The following MYT1L variants were observed in gnomAD, a reference collection of about 807,000 sequenced individuals.
MYT1L encodes myelin transcription factor 1-like protein.
Under a neutral mutation model 126.7 loss-of-function variants are expected in MYT1L, and 12 were observed. The observed-to-expected ratio is 0.09, with a 90% CI of 0.06 to 0.15. The LOEUF (loss-of-function observed/expected upper bound fraction) is 0.15. Ranked by LOEUF, MYT1L falls within the 10% of genes least tolerant of loss-of-function variation. The pLI is 1.00. For missense variants in MYT1L, 979 were observed against 1,585.2 expected (o/e 0.62, Z 6.49); for synonymous variants, 541 against 604.2 (o/e 0.90, Z 1.53).
At chr2:1,946,571 G>C (rs140211587) in intron 8 of MYT1L, among the ~76,000 whole-genome samples, 1 of 152,222 alleles carries the variant, frequency 6.6e-6, no homozygotes, top group East Asian at 1.9e-4. Flanking sequence ...AGGGCAGTTA[G>C]ATGACTTCTA....
chr2:1,832,695 A>G (rs1340326891), intron 21 of MYT1L, among the ~76,000 whole-genome samples: 1 of 152,100 alleles, frequency 6.6e-6, no homozygotes. Context: ...CCCGGACTCC[A>G]AGAGTCACTT....
At chr2:1,885,812 T>G (rs570358043) in intron 18 of MYT1L, among the ~76,000 whole-genome samples, 57 of 152,316 alleles carry the variant, frequency 3.7e-4, no homozygotes, top group African/African-American at 1.2e-3. Flanking sequence ...TCTCCCCGGA[T>G]TGCGGAGGCT....
At chr2:1,949,453 TCA>T (rs74164547) in intron 8 of MYT1L, among the ~76,000 whole-genome samples, 4,003 of 152,322 alleles carry the variant, frequency 0.026, 67 homozygotes, top group Non-Finnish European at 0.042. Flanking sequence ...GTTGTAGCTT[TCA>T]CAGTTCTTTT....
rs568158936 is a variant in MYT1L, at chr2:1,823,909, T to G, written c.3081-14742A>C. ...CAGGAGCCAAACTTCAAGAGCTGAG[T>G]AGTCTCAGGTGTCCAGTGACCATTA... On this transcript the variant is annotated intron_variant, in intron 21 of 24. Transcript: ENST00000647738. 5.9e-5 allele frequency among the ~76,000 whole-genome samples: 9 copies of G among 152,346 alleles called. No individual in the cohort carries two copies. The East Asian group carries it at 1.2e-3, about 20-fold the overall frequency.
At chr2:2,014,530 T>C (rs2064173387) in intron 4 of MYT1L, among the ~76,000 whole-genome samples, 1 of 152,190 alleles carries the variant, frequency 6.6e-6, no homozygotes. Context: ...GTGTTTATCC[T>C]CCTTCCTCTG....
chr2:2,214,786 C>G (rs2093632203), intron 2 of MYT1L, among the ~76,000 whole-genome samples: 1 of 152,104 alleles, frequency 6.6e-6, no homozygotes, highest in African/African-American at 2.4e-5. Flanking sequence ...CAAAGAATAT[C>G]AGAGGTAGTA....
At chr2:1,863,279 G>A (rs1227308747) in intron 18 of MYT1L, among the ~76,000 whole-genome samples, 2 of 152,188 alleles carry the variant, frequency 1.3e-5, no homozygotes, top group Non-Finnish European at 2.9e-5. Context: ...AAGCCAAGGT[G>A]CTGCCAGCAG....
At chr2:2,070,854 T>A (rs1453325347) in intron 3 of MYT1L, among the ~76,000 whole-genome samples, 16 of 152,216 alleles carry the variant, frequency 1.1e-4, no homozygotes, top group African/African-American at 3.9e-4. Context: ...AGTCATTTAA[T>A]ATCGATTTGA....
chr2:1,792,871 C>CAAAAAAAAAAAAAA lies in MYT1L; in HGVS notation c.3277-421_3277-408dup, dbSNP rs55682787. 2.0e-3 allele frequency among the ~76,000 whole-genome samples: 150 copies of CAAAAAAAAAAAAAA among 76,250 alleles called. 9 individuals carry two copies. The highest frequency in any genetic ancestry group is 6.9e-3 in the African/African-American group (143 of 20,708). The allele number at this position is 76,250 out of a possible 152,430, so 50.0% of individuals were successfully genotyped here. Reference sequence around the variant, plus strand: ...GGTGACAGACCGAGATTCCGTCTCACAAAAAAAAAAAAAAAAAGGAAAAGA... The same window carrying CAAAAAAAAAAAAAA: ...GGTGACAGACCGAGATTCCGTCTCACAAAAAAAAAAAAAAAAAAAAAAAAAAAAAAAGGAAAAGA... On this transcript the variant is annotated intron_variant, in intron 23 of 24. Coordinates refer to ENST00000647738, the MANE Select transcript of MYT1L (RefSeq NM_001303052.2).
chr2:2,283,472 T>C (rs1051171789), intron 2 of MYT1L, among the ~76,000 whole-genome samples: 4 of 152,216 alleles, frequency 2.6e-5, no homozygotes, highest in African/African-American at 9.6e-5. Context: ...CCTTGAAAAG[T>C]ATAATTTTTG....
chr2:2,290,067 A>G (rs2095576830), intron 1 of MYT1L, among the ~76,000 whole-genome samples: 5 of 152,254 alleles, frequency 3.3e-5, no homozygotes, highest in Admixed American at 3.3e-4. Context: ...GCAACTCAGC[A>G]TCGCAACGCT....
chr2:2,032,141 A>G lies in MYT1L; in HGVS notation c.-158+21837T>C, dbSNP rs536637835. Among the ~76,000 whole-genome samples, 7 of 129,728 alleles carry G rather than the reference A, an allele frequency of 5.4e-5. No homozygotes were observed. The East Asian group carries it at 1.8e-3, about 33-fold the overall frequency. 85.1% of individuals were successfully genotyped at this position (129,728 alleles called of 152,430 possible). A position where few individuals can be genotyped will look rare whatever the true frequency, so the allele number is the denominator to read the frequency against. ...TCCTGTGGCCCAGAGCAGATTCTAG[A>G]AGGAGGGCCTTATACACACACCCGT... On this transcript the variant is annotated intron_variant, in intron 4 of 24. Transcript: ENST00000647738.
intron 1 of MYT1L, among the ~76,000 whole-genome samples, chr2:2,298,153 C>A (rs2095725899): frequency 6.6e-6 from 1 of 152,144 alleles, no homozygotes; most frequent in Non-Finnish European, 1.5e-5. Flanking sequence ...CTGAAATAAA[C>A]ACAGAAACAC....
intron 3 of MYT1L, among the ~76,000 whole-genome samples, chr2:2,164,864 A>T (rs952279755): frequency 6.6e-6 from 1 of 152,218 alleles, no homozygotes; most frequent in Admixed American, 6.5e-5. Context: ...GTGTCCTGCT[A>T]GAACAGTTTA....
intron 3 of MYT1L, among the ~76,000 whole-genome samples, chr2:2,129,148 C>G (rs1345333436): frequency 6.6e-6 from 1 of 152,140 alleles, no homozygotes; most frequent in African/African-American, 2.4e-5. Context: ...AGAGCAAGAC[C>G]TTAATGAATG....
rs550783165 is a variant in MYT1L at position 1,983,556 on chromosome 2, C to T, written c.1-3779G>A. Among the ~76,000 whole-genome samples the T allele has an allele frequency of 2.0e-5, 3 of 152,302 alleles. No homozygotes were observed. The East Asian group carries it at 5.8e-4, about 29-fold the overall frequency. ...TGGTCCTAAGGCAGCTGGCCCTTGC[C>T]GGCACTCTCACACTTTGTTTCTTCA... On this transcript the variant is annotated intron_variant, in intron 5 of 24. Transcript: ENST00000647738.
chr2:2,210,468 C>T (rs2093466844), intron 2 of MYT1L, among the ~76,000 whole-genome samples: 1 of 152,096 alleles, frequency 6.6e-6, no homozygotes, highest in Non-Finnish European at 1.5e-5. Context: ...TTCCCAGCAC[C>T]ATTTGTTGAA....
intron 18 of MYT1L, among the ~76,000 whole-genome samples, chr2:1,876,605 T>G (rs2046946623): frequency 6.6e-6 from 1 of 152,106 alleles, no homozygotes; most frequent in South Asian, 2.1e-4. Flanking sequence ...TCGCCCACAC[T>G]GAGTCCCCGC....
chr2:2,073,570 CAGA>C (rs2074870452), intron 3 of MYT1L, among the ~76,000 whole-genome samples: 1 of 152,144 alleles, frequency 6.6e-6, no homozygotes, highest in Non-Finnish European at 1.5e-5. Context: ...CCATTGGCTG[CAGA>C]AGAAATAAAT....
Sources: allele counts gnomAD v4.1 joint callset (sites outside exome capture counted in the v4.1 genomes callset), GRCh38; gene constraint gnomAD v4.1.1; transcripts MANE v1.5; gene names NCBI Gene and HGNC (gene_info 2026-07-23, HGNC 2026-07-21).